The following PDE4D variants were observed in gnomAD, a reference collection of about 807,000 sequenced individuals.
PDE4D encodes phosphodiesterase 4D.
A neutral mutation model predicts 87.4 loss-of-function variants in PDE4D; 24 were observed. That is an observed-to-expected ratio of 0.27 (90% confidence interval 0.20 to 0.39). The LOEUF is 0.39. Ranked by LOEUF, PDE4D falls within the 10% of genes least tolerant of loss-of-function variation. The probability of loss-of-function intolerance (pLI) is 1.00; values close to 1 mark genes in which losing one functional copy is unlikely to be tolerated. For synonymous variants in PDE4D, 384 were observed against 383.2 expected (o/e 1.00, Z -0.02); for missense variants, 714 against 1,041.0 (o/e 0.69, Z 4.32).
rs139880575 is a variant in PDE4D at position 59,060,893 on chromosome 5, T to C, written c.809-21922A>G. Reference sequence around the variant, plus strand: ...TCTTCCCTGCCCTACTTGGAAATCATTCCAGCCTGGAAGTCATTGTGAGGA... The same window carrying C: ...TCTTCCCTGCCCTACTTGGAAATCACTCCAGCCTGGAAGTCATTGTGAGGA... On this transcript the variant is annotated intron_variant, in intron 5 of 14. Coordinates refer to ENST00000340635, the MANE Select transcript of PDE4D (RefSeq NM_001104631.2). Among the ~76,000 whole-genome samples, 3 of 152,238 alleles carry C rather than the reference T, an allele frequency of 2.0e-5. No homozygotes were observed. In the East Asian group the frequency reaches 5.8e-4, roughly 29 times the overall value.
intron 1 of PDE4D, among the ~76,000 whole-genome samples, chr5:60,279,042 G>C (rs1039120338): frequency 1.3e-5 from 2 of 152,130 alleles, no homozygotes; most frequent in Non-Finnish European, 2.9e-5. Context: ...GGCTTTCTCT[G>C]ACACTTCTCT....
intron 2 of PDE4D, among the ~76,000 whole-genome samples, chr5:60,014,283 A>G (rs1765318103): frequency 6.6e-6 from 1 of 152,066 alleles, no homozygotes; most frequent in African/African-American, 2.4e-5. Flanking sequence ...CTACCTAATC[A>G]ATACCACATG....
intron 1 of PDE4D, among the ~76,000 whole-genome samples, chr5:59,762,375 T>C (rs573150458): frequency 0.055 from 4,649 of 84,310 alleles, 1,016 homozygotes; most frequent in African/African-American, 0.16. Context: ...GGTACACATG[T>C]GTATATGTGT....
rs17797035 is a variant in PDE4D, at chr5:59,503,636, T to C, written c.456-287668A>G. 4.3e-3 allele frequency among the ~76,000 whole-genome samples: 650 copies of C among 152,318 alleles called. 5 individuals are homozygous for C. The highest frequency in any genetic ancestry group is 0.025 in the South Asian group (121 of 4,824). On this transcript the variant is annotated intron_variant, in intron 1 of 14. Coordinates refer to ENST00000340635, the MANE Select transcript of PDE4D (RefSeq NM_001104631.2). ...CTAAAAACATCAAAGTATATGCTTC[T>C]AAATTATTCTACTGTGTTTCACTAT... is the stretch of plus-strand genomic sequence containing the variant.
chr5:59,627,727 G>A (rs1384558840), intron 1 of PDE4D, among the ~76,000 whole-genome samples: 1 of 152,132 alleles, frequency 6.6e-6, no homozygotes, highest in African/African-American at 2.4e-5. Flanking sequence ...TCATAGCAAT[G>A]GTTTTTACTG....
intron 5 of PDE4D, among the ~76,000 whole-genome samples, chr5:59,130,463 A>C (rs372901601): frequency 2.0e-5 from 3 of 152,252 alleles, no homozygotes; most frequent in African/African-American, 7.2e-5. Context: ...TTTCATTAAT[A>C]ACAAAATTTA....
chr5:59,879,387 C>T (rs2152744619), intron 1 of PDE4D, among the ~76,000 whole-genome samples: 1 of 152,312 alleles, frequency 6.6e-6, no homozygotes, highest in Admixed American at 6.5e-5. Flanking sequence ...GAACTACTCT[C>T]TTAGGCTACT....
At chr5:59,671,238 G>T (rs1278322332) in intron 1 of PDE4D, among the ~76,000 whole-genome samples, 1 of 152,122 alleles carries the variant, frequency 6.6e-6, no homozygotes, top group Non-Finnish European at 1.5e-5. Flanking sequence ...CCTGCTTTGA[G>T]TTAGGGGATC....
intron 1 of PDE4D, among the ~76,000 whole-genome samples, chr5:60,251,377 C>T (rs1254708602): frequency 6.6e-6 from 1 of 151,818 alleles, no homozygotes; most frequent in Non-Finnish European, 1.5e-5. Context: ...ATCTTCTAGT[C>T]GGCCCCAGTG....
rs376302476 is a variant in PDE4D at position 59,121,302 on chromosome 5, A to G, written c.808+59293T>C. Among the ~76,000 whole-genome samples the G allele has an allele frequency of 3.9e-5, 6 of 152,312 alleles. No homozygotes were observed. In the East Asian group the frequency reaches 5.8e-4, roughly 15 times the overall value. ...GGGAGAAAATATTTGCAAACTACTC[A>G]TCTGACAAGGGAATAATATTCAGAA... On this transcript the variant is annotated intron_variant, in intron 5 of 14. Coordinates refer to ENST00000340635, the MANE Select transcript of PDE4D (RefSeq NM_001104631.2).
intron 1 of PDE4D, among the ~76,000 whole-genome samples, chr5:60,350,374 C>A (rs1446226122): frequency 1.3e-5 from 2 of 152,138 alleles, no homozygotes; most frequent in Non-Finnish European, 2.9e-5. Context: ...AACCTACATC[C>A]TTTCTCATCT....
intron 1 of PDE4D, among the ~76,000 whole-genome samples, chr5:59,234,492 C>T (rs1755933244): frequency 6.6e-6 from 1 of 152,094 alleles, no homozygotes; most frequent in Admixed American, 6.6e-5. Flanking sequence ...ATAGTCATGA[C>T]AGAATCCTCA....
intron 5 of PDE4D, chr5:59,157,014 T>TAAA (rs11444928): frequency 3.5e-4 from 67 of 190,762 alleles, no homozygotes; most frequent in Non-Finnish European, 4.7e-4. Context: ...CTTCATTAAT[T>TAAA]AAAAAAAAAA....
chr5:59,640,390 T>C (rs1054802025), intron 1 of PDE4D, among the ~76,000 whole-genome samples: 3 of 152,238 alleles, frequency 2.0e-5, no homozygotes, highest in African/African-American at 7.2e-5. Flanking sequence ...AATAAATAAC[T>C]TTTTATTGCC....
intron 1 of PDE4D, among the ~76,000 whole-genome samples, chr5:59,550,123 T>G (rs565090620): frequency 2.0e-4 from 30 of 152,182 alleles, no homozygotes; most frequent in Middle Eastern, 3.4e-3. Flanking sequence ...TATATATTTT[T>G]TATTATAAAA....
chr5:59,600,569 C>T (rs562911304), intron 1 of PDE4D, among the ~76,000 whole-genome samples: 14 of 152,126 alleles, frequency 9.2e-5, no homozygotes, highest in Non-Finnish European at 1.8e-4. Flanking sequence ...AGACTTGCAA[C>T]CAAAGGCATC....
intron 1 of PDE4D, among the ~76,000 whole-genome samples, chr5:60,496,855 G>A (rs567581776): frequency 6.6e-6 from 1 of 152,286 alleles, no homozygotes; most frequent in South Asian, 2.1e-4. Context: ...CTAGTAATAT[G>A]ACTGTATAGA....
At chr5:60,232,906 A>G (rs1394382872) in intron 1 of PDE4D, among the ~76,000 whole-genome samples, 1 of 151,870 alleles carries the variant, frequency 6.6e-6, no homozygotes, top group Non-Finnish European at 1.5e-5. Flanking sequence ...TGTAATAGAA[A>G]TTGGAAATAA....
At chr5:60,318,069 CTAA>C (rs2149831931) in intron 1 of PDE4D, among the ~76,000 whole-genome samples, 1 of 152,222 alleles carries the variant, frequency 6.6e-6, no homozygotes, top group East Asian at 1.9e-4. Context: ...GTTGATCTGT[CTAA>C]TGTTGACAGT....
Sources: gnomAD v4.1 joint callset for allele counts (sites outside exome capture counted in the v4.1 genomes callset) on GRCh38, gnomAD v4.1.1 for gene constraint, MANE v1.5 for transcripts, NCBI Gene and HGNC (gene_info 2026-07-23, HGNC 2026-07-21) for gene names.